Variants in KLRG1 observed in about 807,000 individuals in gnomAD.
KLRG1 encodes the protein killer cell lectin like receptor G1.
KLRG1 carries 16 observed loss-of-function variants against 21.8 expected under a neutral mutation model. The ratio of observed to expected loss-of-function variants is 0.73; its 90% CI spans 0.50 to 1.11. The LOEUF is 1.11. Among genes scored for constraint, KLRG1 ranks in the 50% most tolerant of loss-of-function variants. The pLI is 0.00. For synonymous variants in KLRG1, 69 were observed against 75.9 expected, an observed-to-expected ratio of 0.91 and a Z score of 0.47; for missense variants, 173 against 218.3, an observed-to-expected ratio of 0.79 and a Z score of 1.31.
intron 3 of KLRG1, among the ~76,000 whole-genome samples, chr12:8,996,162 T>C (rs1410286123): frequency 2.0e-5 from 3 of 150,834 alleles, no homozygotes; most frequent in East Asian, 1.9e-4. Context: ...TGCACGTGCA[T>C]GTGTGTGTGT....
the KLRG1 span, among the ~76,000 whole-genome samples, chr12:9,016,331 C>A: frequency 6.6e-6 from 1 of 152,034 alleles, no homozygotes; most frequent in Non-Finnish European, 1.5e-5. Context: ...GACATTACAA[C>A]AAATACAGCA....
the KLRG1 span, chr12:9,098,830 T>A: frequency 3.3e-6 from 5 of 1,525,286 alleles, no homozygotes; most frequent in Non-Finnish European, 4.5e-6. Flanking sequence ...ATTTGCAGAG[T>A]GTTCCTCATG....
chr12:9,100,912 AG>A, the KLRG1 span, among the ~76,000 whole-genome samples: 3 of 152,182 alleles, frequency 2.0e-5, no homozygotes, highest in South Asian at 2.1e-4. Context: ...GAAGGGTGGA[AG>A]GGGGTGAGGG....
intron 1 of KLRG1, among the ~76,000 whole-genome samples, chr12:8,952,077 T>A (rs1383562366): frequency 6.6e-6 from 1 of 152,218 alleles, no homozygotes; most frequent in African/African-American, 2.4e-5. Context: ...AGCAGAATTT[T>A]TTTTTGTTTG....
chr12:9,081,489 G>A, the KLRG1 span, among the ~76,000 whole-genome samples: 3 of 152,168 alleles, frequency 2.0e-5, no homozygotes, highest in Admixed American at 6.5e-5. Context: ...TCCCTCCACA[G>A]AAAGTCCAAC....
chr12:9,154,950 G>T, the KLRG1 span: 1 of 1,109,570 alleles, frequency 9.0e-7, no homozygotes. Flanking sequence ...TACAGGAGAA[G>T]CAAGGTCTTC....
chr12:9,091,570 A>T, the KLRG1 span: 1 of 850,820 alleles, frequency 1.2e-6, no homozygotes, highest in Admixed American at 2.9e-5. Flanking sequence ...ATAATCAAGG[A>T]TTGAGATGGG....
chr12:9,209,858 T>G, the KLRG1 span, among the ~76,000 whole-genome samples: 1 of 152,142 alleles, frequency 6.6e-6, no homozygotes, highest in Non-Finnish European at 1.5e-5. Flanking sequence ...ACTATTATGG[T>G]TTTAAGACTT....
At chr12:9,163,990 G>T in the KLRG1 span, 9 of 1,245,876 alleles carry the variant, frequency 7.2e-6, no homozygotes, top group Non-Finnish European at 9.9e-6. Context: ...GTGGGAGGAG[G>T]TCATAGTGGA....
chr12:9,075,434 A>C, the KLRG1 span, among the ~76,000 whole-genome samples: 2 of 152,324 alleles, frequency 1.3e-5, no homozygotes, highest in East Asian at 3.9e-4. Flanking sequence ...CATTTTTTTT[A>C]ATAGCAAAAC....
the KLRG1 span, chr12:9,201,355 A>T: frequency 6.4e-7 from 1 of 1,556,366 alleles, no homozygotes; most frequent in South Asian, 1.1e-5. Flanking sequence ...AATCTATATG[A>T]TAAAAGGAAA....
At chr12:9,105,500 A>C in the KLRG1 span, among the ~76,000 whole-genome samples, 3 of 152,170 alleles carry the variant, frequency 2.0e-5, no homozygotes, top group Non-Finnish European at 2.9e-5. Flanking sequence ...CATAGCTGAA[A>C]TCCTGTAACA....
chr12:9,082,602 T>C, the KLRG1 span, among the ~76,000 whole-genome samples: 383 of 152,326 alleles, frequency 2.5e-3, 2 homozygotes, highest in Non-Finnish European at 3.0e-3. Flanking sequence ...AGAAGTGGCT[T>C]TCTCCTCAAA....
At chr12:8,967,421 T>G (rs1245313612) in intron 1 of KLRG1, among the ~76,000 whole-genome samples, 1 of 152,128 alleles carries the variant, frequency 6.6e-6, no homozygotes, top group Non-Finnish European at 1.5e-5. Context: ...TAAAGATATC[T>G]CTAAAAAATT....
intron 3 of KLRG1, among the ~76,000 whole-genome samples, chr12:8,999,083 A>T (rs1947231096): frequency 6.6e-6 from 1 of 152,028 alleles, no homozygotes; most frequent in Admixed American, 6.5e-5. Context: ...TTCTTGATAG[A>T]GAAAATAAAA....
chr12:9,121,399 G>A, the KLRG1 span, among the ~76,000 whole-genome samples: 1 of 152,012 alleles, frequency 6.6e-6, no homozygotes, highest in African/African-American at 2.4e-5. The surrounding 1 kb of genome is among the most constrained non-coding windows in gnomAD (Gnocchi z 4.4). Flanking sequence ...AAATTAGCTG[G>A]GTGTGGTGGC....
chr12:8,978,185 T>C (rs1035768175), intron 1 of KLRG1, among the ~76,000 whole-genome samples: 1 of 152,204 alleles, frequency 6.6e-6, no homozygotes, highest in Non-Finnish European at 1.5e-5. Flanking sequence ...ATTTAGGCTT[T>C]CACATTGCTA....
At chr12:9,067,646 T>A in the KLRG1 span, 1 of 704,218 alleles carries the variant, frequency 1.4e-6, no homozygotes, top group Non-Finnish European at 2.6e-6. Context: ...ATCTTGGTAT[T>A]CTATTGGGAA....
intron 1 of KLRG1, among the ~76,000 whole-genome samples, chr12:8,957,533 G>GT (rs1207381758): frequency 4.6e-5 from 7 of 151,342 alleles, no homozygotes; most frequent in Admixed American, 2.0e-4. Context: ...GTTTTGTTTT[G>GT]TTTTTTTGTT....
Sources: gnomAD v4.1 joint callset for allele counts (sites outside exome capture counted in the v4.1 genomes callset) on GRCh38, gnomAD v4.1.1 for gene constraint, Gnocchi (gnomAD v3.1) non-coding constraint, MANE v1.5 for transcripts, NCBI Gene and HGNC (gene_info 2026-07-23, HGNC 2026-07-21) for gene names.